TMEM116: variants seen among roughly 807,000 people sequenced by gnomAD.
TMEM116 encodes transmembrane protein 116.
TMEM116 carries 38 observed loss-of-function variants against 44.3 expected under a neutral mutation model. The observed-to-expected ratio is 0.86, with a 90% CI of 0.66 to 1.12. The LOEUF is 1.12. TMEM116 is among the 50% of genes most tolerant of loss of function. TMEM116 has a pLI of 0.00. For synonymous variants in TMEM116, 132 were observed against 144.8 expected (o/e 0.91, Z 0.64); for missense variants, 354 against 401.7 (o/e 0.88, Z 1.01).
At chr12:111,971,860 T>G (rs1242922100) in intron 4 of TMEM116, among the ~76,000 whole-genome samples, 3 of 152,036 alleles carry the variant, frequency 2.0e-5, no homozygotes, top group African/African-American at 7.2e-5. Flanking sequence ...AAGGATTGCT[T>G]GAGGCCAAGA....
At chr12:111,936,856 GTAC>G (rs1344414287) in intron 7 of TMEM116, 26 bp from the exon 8 acceptor site, 3 of 1,565,214 alleles carry the variant, frequency 1.9e-6, no homozygotes, top group Non-Finnish European at 2.6e-6. Flanking sequence ...ATAAACAGGA[GTAC>G]TACTACAGAT....
intron 4 of TMEM116, among the ~76,000 whole-genome samples, chr12:111,944,325 A>C (rs960492320): frequency 2.0e-5 from 3 of 151,986 alleles, no homozygotes; most frequent in Non-Finnish European, 4.4e-5. Flanking sequence ...AAGAAAAGCA[A>C]GGCGAGTCCA....
At chr12:111,951,238 C>T (rs944090166) in intron 4 of TMEM116, among the ~76,000 whole-genome samples, 3 of 152,188 alleles carry the variant, frequency 2.0e-5, no homozygotes, top group Non-Finnish European at 4.4e-5. Context: ...TTAGTTCAAC[C>T]ATTGTGGAAA....
At chr12:111,969,702 C>T (rs1025501755) in intron 4 of TMEM116, among the ~76,000 whole-genome samples, 6 of 152,124 alleles carry the variant, frequency 3.9e-5, no homozygotes, top group African/African-American at 1.4e-4. Context: ...CTCAGCCTCC[C>T]GAGTAGCTGG....
At chr12:111,982,293 T>A (rs1209956764) in intron 4 of TMEM116, among the ~76,000 whole-genome samples, 3 of 150,354 alleles carry the variant, frequency 2.0e-5, no homozygotes, top group Non-Finnish European at 1.5e-5. Context: ...TTTTACATCA[T>A]AAATGCATAC....
At chr12:111,982,266 T>C (rs2075982018) in intron 4 of TMEM116, among the ~76,000 whole-genome samples, 1 of 152,124 alleles carries the variant, frequency 6.6e-6, no homozygotes, top group Non-Finnish European at 1.5e-5. Context: ...AATATATACA[T>C]ATATTAAAAC....
chr12:111,936,436 G>T, intron 8 of TMEM116: 2 of 343,292 alleles, frequency 5.8e-6, no homozygotes, highest in Non-Finnish European at 1.1e-5. Flanking sequence ...GGGGATTGAT[G>T]AAGCCTATAC....
chr12:111,964,973 A>G (rs1246453262), intron 4 of TMEM116, among the ~76,000 whole-genome samples: 1 of 152,136 alleles, frequency 6.6e-6, no homozygotes, highest in Non-Finnish European at 1.5e-5. Flanking sequence ...GATTACAGGC[A>G]TGAAGCCACC....
At position 111,934,311 on chromosome 12, in the gene TMEM116, G is replaced by A. The variant is rs1279430821; in HGVS notation, c.589-281C>T. On this transcript the variant is annotated intron_variant, in intron 8 of 10. Transcript: ENST00000552374. ...CAACCTCTGGGCATTTCCCCCCACT[G>A]AGGCTAATCACAGTTTACCCAGGAA... 3.2e-5 allele frequency: 10 copies of A among 315,898 alleles called. No homozygotes were observed. In the South Asian group the frequency reaches 3.6e-4, roughly 12 times the overall value. 19.6% of individuals were successfully genotyped at this position (315,898 alleles called of 1,614,324 possible).
At chr12:111,933,803 T>C (rs2071874073) in intron 9 of TMEM116, 83 bp downstream of exon 9, 1 of 1,548,428 alleles carries the variant, frequency 6.5e-7, no homozygotes, top group Non-Finnish European at 8.8e-7. Flanking sequence ...ACCTCAGCCA[T>C]CCTTCTTAGT....
intron 1 of TMEM116, chr12:112,005,864 GAA>G (rs2077553473): frequency 3.2e-6 from 3 of 925,470 alleles, no homozygotes; most frequent in South Asian, 5.0e-5. Flanking sequence ...TTAGTAGTAT[GAA>G]AAGAGATTGT....
rs561321172 is a variant in TMEM116 at position 111,951,521 on chromosome 12, A to C, written c.211-8152T>G. Among the ~76,000 whole-genome samples the C allele has an allele frequency of 3.3e-5, 5 of 152,344 alleles. No homozygotes were observed. The South Asian group carries it at 8.3e-4, about 25-fold the overall frequency. ...ACAAGATCATGTCCTTTTCAGGAAC[A>C]TTGATGGAGCTAGTGGCCATGATCC... On this transcript the variant is annotated intron_variant, in intron 4 of 10. Transcript: ENST00000552374.
chr12:111,936,638 C>T (rs1318647121), intron 8 of TMEM116, 54 bp downstream of exon 8: 1 of 1,587,098 alleles, frequency 6.3e-7, no homozygotes. Context: ...GAATACTGGC[C>T]CATCCCCTTC....
At chr12:111,951,679 G>A (rs1340207386) in intron 4 of TMEM116, among the ~76,000 whole-genome samples, 1 of 152,098 alleles carries the variant, frequency 6.6e-6, no homozygotes, top group South Asian at 2.1e-4. Flanking sequence ...GAGGGTGGAA[G>A]GAGGGAGAGG....
intron 4 of TMEM116, among the ~76,000 whole-genome samples, chr12:111,956,852 C>T (rs1186124832): frequency 2.0e-5 from 3 of 152,166 alleles, no homozygotes; most frequent in Non-Finnish European, 4.4e-5. Flanking sequence ...GGCGTGATCT[C>T]GGATCGCTAC....
In TMEM116 at chr12:111,931,820, G is replaced by A. The variant is rs763607555; in HGVS notation, c.815C>T (p.Thr272Met). ...HMALYVLQALTATSQGLLNCG... is the reference protein window; with the variant it reads ...HMALYVLQALMATSQGLLNCG... Reference sequence around the variant, plus strand: ...GTTGAGTAGACCCTGAGATGTTGCCGTTAGAGCCTGGAGGAGATGAAGGGG... The same window carrying A: ...GTTGAGTAGACCCTGAGATGTTGCCATTAGAGCCTGGAGGAGATGAAGGGG... Residue 272 changes from threonine to methionine, a missense_variant, in exon 11 of 11, where the codon ACG (threonine) becomes ATG (methionine). Transcript: ENST00000552374. The A allele has an allele frequency of 5.9e-6, 9 of 1,516,930 alleles. No homozygotes were observed. Among genetic ancestry groups the A allele is most frequent in the East Asian group, 4.8e-5 (2 of 41,998 alleles). 94.0% of individuals were successfully genotyped at this position (1,516,930 alleles called of 1,614,324 possible).
intron 4 of TMEM116, among the ~76,000 whole-genome samples, chr12:111,971,120 A>G (rs1261141061): frequency 2.0e-5 from 3 of 152,232 alleles, no homozygotes; most frequent in African/African-American, 4.8e-5. Context: ...TTTCAGACAC[A>G]TGAAACCAGA....
intron 8 of TMEM116, chr12:111,935,792 C>T (rs990884505): frequency 6.6e-6 from 1 of 152,108 alleles, no homozygotes; most frequent in South Asian, 2.1e-4. Context: ...ATGCACATGC[C>T]ACCATGCCTG....
chr12:111,967,848 G>C (rs1390679198), intron 4 of TMEM116, among the ~76,000 whole-genome samples: 1 of 152,164 alleles, frequency 6.6e-6, no homozygotes, highest in Non-Finnish European at 1.5e-5. Flanking sequence ...CAAGACACCA[G>C]ACATCAGACA....
Sources: gnomAD v4.1 joint callset for allele counts (sites outside exome capture counted in the v4.1 genomes callset) on GRCh38, gnomAD v4.1.1 for gene constraint, MANE v1.5 for transcripts, NCBI Gene and HGNC (gene_info 2026-07-23, HGNC 2026-07-21) for gene names.